The following B3GALT1 variants were observed in gnomAD, a reference collection of about 807,000 sequenced individuals.
B3GALT1 encodes the protein beta-1,3-galactosyltransferase 1.
A neutral mutation model predicts 23.2 loss-of-function variants in B3GALT1; 10 were observed. The observed-to-expected ratio is 0.43, with a 90% CI of 0.27 to 0.73. The LOEUF (loss-of-function observed/expected upper bound fraction) is 0.73, where lower values mean the gene tolerates loss of function less well. Ranked by LOEUF, B3GALT1 falls within the 30% of genes least tolerant of loss-of-function variation. The pLI is 0.21. For synonymous variants in B3GALT1, 156 were observed against 141.5 expected, an observed-to-expected ratio of 1.10 and a Z score of -0.73; for missense variants, 299 against 405.4, an observed-to-expected ratio of 0.74 and a Z score of 2.25.
At chr2:167,502,855 A>G (rs1225162029) in intron 2 of B3GALT1, among the ~76,000 whole-genome samples, 1 of 152,134 alleles carries the variant, frequency 6.6e-6, no homozygotes, top group Non-Finnish European at 1.5e-5. Context: ...CCTAGCCAAC[A>G]TGGTGAAACC....
chr2:167,598,847 A>G (rs1403446258), intron 2 of B3GALT1, among the ~76,000 whole-genome samples: 1 of 152,198 alleles, frequency 6.6e-6, no homozygotes, highest in Non-Finnish European at 1.5e-5. Context: ...GCTTTTCACA[A>G]TAAACTCGAT....
At position 167,679,128 on chromosome 2, in the gene B3GALT1, T is replaced by G. The variant is rs537257738; in HGVS notation, c.-352+32162T>G. The stretch of plus-strand genomic sequence containing the variant: ...TTTTTGTTTTTTTGTTTTTGTTTTT[T>G]TTTTTGAGACAGAGTTTCACTCTTG... On this transcript the variant is annotated intron_variant, in intron 3 of 4. Transcript: ENST00000392690. Among the ~76,000 whole-genome samples, 6 of 151,926 alleles carry G rather than the reference T, an allele frequency of 3.9e-5. No individual in the cohort carries two copies. In the South Asian group the frequency reaches 8.3e-4, roughly 21 times the overall value.
intron 3 of B3GALT1, among the ~76,000 whole-genome samples, chr2:167,704,114 GA>G (rs1452051899): frequency 6.8e-6 from 1 of 147,958 alleles, no homozygotes; most frequent in Non-Finnish European, 1.5e-5. Context: ...CCGGGAGGCG[GA>G]GCTTGCAATG....
rs540205495 is a variant in B3GALT1, at chr2:167,358,533, T to C, written c.-511+65199T>C. The stretch of plus-strand genomic sequence containing the variant: ...TTTTGTTGAGCATGTTTGTGAACTT[T>C]TTTTTAGTAATAATGAACTTTTTTT... On this transcript the variant is annotated intron_variant, in intron 1 of 4. Transcript: ENST00000392690. Among the ~76,000 whole-genome samples the C allele has an allele frequency of 2.0e-5, 3 of 152,298 alleles. No homozygotes were observed. The South Asian group carries it at 6.2e-4, about 32-fold the overall frequency.
At chr2:167,531,096 A>T (rs1434799960) in intron 2 of B3GALT1, among the ~76,000 whole-genome samples, 1 of 152,204 alleles carries the variant, frequency 6.6e-6, no homozygotes, top group Non-Finnish European at 1.5e-5. Flanking sequence ...TCATTCTCCT[A>T]CCAAACACAG....
intron 3 of B3GALT1, chr2:167,714,564 CT>C: frequency 1.2e-6 from 2 of 1,613,434 alleles, no homozygotes; most frequent in Non-Finnish European, 1.7e-6. Flanking sequence ...GCATTAGGAT[CT>C]TTTTCTAAAA....
intron 1 of B3GALT1, among the ~76,000 whole-genome samples, chr2:167,374,981 A>G (rs1167018568): frequency 1.3e-5 from 2 of 152,132 alleles, no homozygotes; most frequent in Non-Finnish European, 2.9e-5. Context: ...TTAAATTTAA[A>G]TCTTTAATTC....
At chr2:167,827,521 G>A (rs900881527) in intron 4 of B3GALT1, among the ~76,000 whole-genome samples, 3 of 152,162 alleles carry the variant, frequency 2.0e-5, no homozygotes, top group Admixed American at 1.3e-4. Context: ...AGCAGCTCTC[G>A]CTATGGGCAG....
intron 1 of B3GALT1, among the ~76,000 whole-genome samples, chr2:167,323,702 TTC>T (rs563176591): frequency 5.5e-4 from 84 of 152,348 alleles, no homozygotes; most frequent in African/African-American, 1.9e-3. Flanking sequence ...ATTACTTATA[TTC>T]TGTTTCCCAT....
chr2:167,398,146 A>G (rs141649305), intron 1 of B3GALT1, among the ~76,000 whole-genome samples: 1 of 152,182 alleles, frequency 6.6e-6, no homozygotes, highest in African/African-American at 2.4e-5. Context: ...AACTTGAACA[A>G]AGTTTTTGTT....
At chr2:167,689,511 T>C (rs1056096324) in intron 3 of B3GALT1, among the ~76,000 whole-genome samples, 1 of 152,126 alleles carries the variant, frequency 6.6e-6, no homozygotes, top group African/African-American at 2.4e-5. Flanking sequence ...CTAAATACAA[T>C]AGACTTTTCT....
At chr2:167,853,711 T>C (rs925141451) in intron 4 of B3GALT1, among the ~76,000 whole-genome samples, 7 of 152,196 alleles carry the variant, frequency 4.6e-5, no homozygotes, top group Non-Finnish European at 2.9e-5. Context: ...CAGGCACATG[T>C]ATGTTGGCAC....
At chr2:167,715,282 T>G (rs1201206113) in intron 3 of B3GALT1, 1 of 1,613,848 alleles carries the variant, frequency 6.2e-7, no homozygotes, top group Admixed American at 1.7e-5. Context: ...TGATGTGATT[T>G]TCTTTATCAT....
At chr2:167,599,237 A>G (rs1288744591) in intron 2 of B3GALT1, among the ~76,000 whole-genome samples, 1 of 152,194 alleles carries the variant, frequency 6.6e-6, no homozygotes, top group Non-Finnish European at 1.5e-5. Flanking sequence ...AACCAATAAT[A>G]TTTTATGATG....
At chr2:167,535,854 T>C (rs1452617915) in intron 2 of B3GALT1, among the ~76,000 whole-genome samples, 1 of 152,126 alleles carries the variant, frequency 6.6e-6, no homozygotes, top group Non-Finnish European at 1.5e-5. Context: ...GGTCAAAAAG[T>C]TCAGTTTCAA....
intron 3 of B3GALT1, among the ~76,000 whole-genome samples, chr2:167,696,982 T>G (rs1238063518): frequency 1.3e-5 from 2 of 152,246 alleles, no homozygotes; most frequent in Non-Finnish European, 2.9e-5. Flanking sequence ...ATAAATTACT[T>G]TGCATGCTGT....
chr2:167,867,377 C>G (rs1393659198), intron 4 of B3GALT1, among the ~76,000 whole-genome samples: 3 of 152,072 alleles, frequency 2.0e-5, no homozygotes, highest in African/African-American at 7.2e-5. Flanking sequence ...GATACAGGAG[C>G]CTGTATTTAG....
rs73021751 is a variant in B3GALT1, at chr2:167,391,817, T to G, written c.-510-98360T>G. Reference sequence around the variant, plus strand: ...AGGAGAGCAGGTTGCCTACTTTGTCTCAACTTTCTATCTCTACTACCTAAA... The same window carrying G: ...AGGAGAGCAGGTTGCCTACTTTGTCGCAACTTTCTATCTCTACTACCTAAA... On this transcript the variant is annotated intron_variant, in intron 1 of 4. Transcript: ENST00000392690. Among the ~76,000 whole-genome samples the G allele has an allele frequency of 9.1e-3, 1,382 of 152,302 alleles. 29 individuals carry two copies. The highest frequency in any genetic ancestry group is 0.032 in the African/African-American group (1,318 of 41,564).
At chr2:167,509,288 A>T (rs1699968539) in intron 2 of B3GALT1, among the ~76,000 whole-genome samples, 1 of 152,234 alleles carries the variant, frequency 6.6e-6, no homozygotes, top group African/African-American at 2.4e-5. Flanking sequence ...GTAAATATCA[A>T]ATGAAATGAC....
Sources: gnomAD v4.1 joint callset for allele counts (sites outside exome capture counted in the v4.1 genomes callset) on GRCh38, gnomAD v4.1.1 for gene constraint, MANE v1.5 for transcripts, NCBI Gene and HGNC (gene_info 2026-07-23, HGNC 2026-07-21) for gene names.